The following DYNC2H1 variants were observed in gnomAD, a reference collection of about 807,000 sequenced individuals.
The protein encoded by DYNC2H1 is cytoplasmic dynein 2 heavy chain 1.
Under a neutral mutation model 570.0 loss-of-function variants are expected in DYNC2H1, and 410 were observed. That is an observed-to-expected ratio of 0.72 (90% CI 0.66 to 0.78). The LOEUF is 0.78. Ranked by LOEUF, DYNC2H1 falls within the 30% of genes least tolerant of loss-of-function variation. The pLI is 0.00. For synonymous variants in DYNC2H1, 1,688 were observed against 1,677.6 expected (o/e 1.01, Z -0.15); for missense variants, 4,865 against 5,046.4 (o/e 0.96, Z 1.09).
At chr11:103,460,008 TTTC>T (rs1944957375) in intron 87 of DYNC2H1, among the ~76,000 whole-genome samples, 1 of 151,854 alleles carries the variant, frequency 6.6e-6, no homozygotes, top group African/African-American at 2.4e-5. Flanking sequence ...AAAAGTTTTC[TTTC>T]ATTTAATTTT....
At chr11:103,384,084 T>C (rs747074372) in intron 83 of DYNC2H1, among the ~76,000 whole-genome samples, 10 of 152,214 alleles carry the variant, frequency 6.6e-5, no homozygotes, top group Non-Finnish European at 1.3e-4. Context: ...TTTGTTATGT[T>C]TGAAAAGAAT....
chr11:103,120,306 A>C, intron 6 of DYNC2H1, 141 bp from the exon 7 acceptor site: 1 of 710,976 alleles, frequency 1.4e-6, no homozygotes, highest in Non-Finnish European at 2.2e-6. Flanking sequence ...TCTCTGGACT[A>C]GAGTTTCAGT....
intron 22 of DYNC2H1, 126 bp downstream of exon 22, chr11:103,153,634 C>A (rs1431031050): frequency 3.4e-6 from 3 of 877,508 alleles, no homozygotes; most frequent in East Asian, 2.7e-5. Flanking sequence ...TTTTAAACTA[C>A]AAATAATAAG....
rs1482661858 is a variant in DYNC2H1 at position 103,446,828 on chromosome 11, T to TA, written c.12457-8355dup. Among the ~76,000 whole-genome samples, 5 of 152,228 alleles carry TA rather than the reference T, an allele frequency of 3.3e-5. No individual in the cohort carries two copies. In the East Asian group the frequency reaches 7.7e-4, roughly 23 times the overall value. On this transcript the variant is annotated intron_variant, in intron 85 of 88. Transcript: ENST00000375735. The surrounding 1 kb of genome is among the most constrained non-coding windows in gnomAD (Gnocchi z 4.5). ...AATGCACATGTGGAAAGATAGGCCT[T>TA]AAATAGGAGCTTGAACTATTCACAA...
At chr11:103,391,019 A>G (rs1346359737) in intron 83 of DYNC2H1, among the ~76,000 whole-genome samples, 2 of 152,032 alleles carry the variant, frequency 1.3e-5, no homozygotes, top group Non-Finnish European at 2.9e-5. Context: ...CATTCTCTGT[A>G]TTTCCTGAAT....
chr11:103,183,160 A>G (rs1861922963), intron 40 of DYNC2H1, among the ~76,000 whole-genome samples: 1 of 151,954 alleles, frequency 6.6e-6, no homozygotes, highest in African/African-American at 2.4e-5. Context: ...ATATTAAGTG[A>G]TAGCAAATGA....
intron 84 of DYNC2H1, among the ~76,000 whole-genome samples, chr11:103,429,802 G>A (rs990934853): frequency 6.6e-6 from 1 of 152,186 alleles, no homozygotes; most frequent in African/African-American, 2.4e-5. Flanking sequence ...TGCATATGAA[G>A]TTGAAATTAC....
intron 82 of DYNC2H1, among the ~76,000 whole-genome samples, chr11:103,347,778 C>A (rs1203093173): frequency 6.6e-6 from 1 of 152,058 alleles, no homozygotes; most frequent in Non-Finnish European, 1.5e-5. Flanking sequence ...AAAAGTCTTG[C>A]GGGGGAGGCA....
In DYNC2H1 at chr11:103,388,582, A is replaced by C. The variant is rs907557866; in HGVS notation, c.12157-11081A>C. Among the ~76,000 whole-genome samples the C allele has an allele frequency of 5.3e-5, 8 of 152,192 alleles. 1 individual carries two copies. Among genetic ancestry groups the C allele is most frequent in the Non-Finnish European group, 1.0e-4 (7 of 68,030 alleles). ...AGAGAGGGCATCCCTGTCTTGTGCC[A>C]GTTTTCAAAGGGAATGCTTCCAGTT... On this transcript the variant is annotated intron_variant, in intron 83 of 88. Transcript: ENST00000375735.
At chr11:103,447,570 A>G (rs1402852201) in intron 85 of DYNC2H1, among the ~76,000 whole-genome samples, 1 of 152,156 alleles carries the variant, frequency 6.6e-6, no homozygotes, top group African/African-American at 2.4e-5. Context: ...CAAGCCTTCC[A>G]AGTATCCATC....
intron 13 of DYNC2H1, among the ~76,000 whole-genome samples, chr11:103,130,900 A>T (rs754761680): frequency 1.3e-5 from 2 of 152,230 alleles, no homozygotes; most frequent in Non-Finnish European, 2.9e-5. Flanking sequence ...TGTAGAGAGA[A>T]CATAAGGTTC....
At chr11:103,113,475 C>G in intron 1 of DYNC2H1, 62 bp from the exon 2 acceptor site, 1 of 1,327,044 alleles carries the variant, frequency 7.5e-7, no homozygotes, top group Non-Finnish European at 1.0e-6. Flanking sequence ...AGAACTTTGT[C>G]TACATTTTTT....
At chr11:103,323,471 A>T (rs199804995) in intron 81 of DYNC2H1, among the ~76,000 whole-genome samples, 1 of 148,446 alleles carries the variant, frequency 6.7e-6, no homozygotes, top group Admixed American at 6.7e-5. Flanking sequence ...TGAATATATA[A>T]ATATATATAT....
intron 70 of DYNC2H1, among the ~76,000 whole-genome samples, chr11:103,271,508 T>G (rs949241285): frequency 6.6e-6 from 1 of 152,038 alleles, no homozygotes; most frequent in African/African-American, 2.4e-5. Context: ...GCAATAAATA[T>G]AGTAGAGTAG....
intron 40 of DYNC2H1, among the ~76,000 whole-genome samples, chr11:103,184,461 T>A (rs1861983805): frequency 6.6e-6 from 1 of 151,936 alleles, no homozygotes; most frequent in Non-Finnish European, 1.5e-5. Flanking sequence ...AAAAATTCTT[T>A]CAGAGAAAGC....
intron 82 of DYNC2H1, among the ~76,000 whole-genome samples, chr11:103,350,436 G>A (rs1045924962): frequency 6.6e-6 from 1 of 152,042 alleles, no homozygotes; most frequent in East Asian, 1.9e-4. Context: ...AGATCCATAT[G>A]TGCAGTGTTG....
At chr11:103,391,995 G>T (rs1047568590) in intron 83 of DYNC2H1, among the ~76,000 whole-genome samples, 2 of 152,202 alleles carry the variant, frequency 1.3e-5, no homozygotes, top group African/African-American at 2.4e-5. Flanking sequence ...CAAACTCCGT[G>T]CTGGGAGAAC....
In DYNC2H1 at chr11:103,304,393, G is replaced by T. The variant is rs982382157; in HGVS notation, c.11257-202G>T. Among the ~76,000 whole-genome samples the T allele has an allele frequency of 2.0e-5, 3 of 152,116 alleles. No individual in the cohort carries two copies. The East Asian group carries it at 5.8e-4, about 29-fold the overall frequency. On this transcript the variant is annotated intron_variant, in intron 76 of 88. Coordinates refer to ENST00000375735, the MANE Select transcript of DYNC2H1 (RefSeq NM_001377.3). ...ATTGTACCTGTTACTAGTGATTTTGGCAGGAAGGTTAAACTATTCATATAA... is the reference window on the plus strand; with the variant it reads ...ATTGTACCTGTTACTAGTGATTTTGTCAGGAAGGTTAAACTATTCATATAA...
At chr11:103,328,175 G>A (rs901639830) in intron 82 of DYNC2H1, among the ~76,000 whole-genome samples, 1 of 152,114 alleles carries the variant, frequency 6.6e-6, no homozygotes, top group African/African-American at 2.4e-5. Flanking sequence ...ATGAAACGAA[G>A]ATAAAATTCT....
Sources: allele counts gnomAD v4.1 joint callset (sites outside exome capture counted in the v4.1 genomes callset), GRCh38; gene constraint gnomAD v4.1.1; non-coding constraint Gnocchi (gnomAD v3.1); transcripts MANE v1.5; gene names NCBI Gene and HGNC (gene_info 2026-07-23, HGNC 2026-07-21).